Variants in NKX2-6 observed in about 807,000 individuals in gnomAD.
The protein encoded by NKX2-6 is NK2 homeobox 6.
In NKX2-6, 8 loss-of-function variants were observed where a neutral mutation model predicts 8.6. The observed-to-expected ratio is 0.93, with a 90% confidence interval of 0.54 to 1.67. NKX2-6 has a LOEUF of 1.67. Among genes scored for constraint, NKX2-6 ranks in the 40% most tolerant of loss-of-function variants. The probability of loss-of-function intolerance (pLI) is 0.00; values close to 1 mark genes in which losing one functional copy is unlikely to be tolerated. For synonymous variants in NKX2-6, 210 were observed against 199.3 expected, an observed-to-expected ratio of 1.05 and a Z score of -0.45; for missense variants, 475 against 423.1, an observed-to-expected ratio of 1.12 and a Z score of -1.08.
Position 23,706,363 on chromosome 8 carries a change from G to T in NKX2-6, c.236C>A (p.Ala79Glu). ...CCGTTCCGCGTCCATCTCCAAGACT[G>T]CCTCACAGGGACCCCCAGGAGGCTC... ...GSEPPGGPCE[A>E]VLEMDAERMG... is the part of the protein sequence containing the mutation. Residue 79 changes from alanine to glutamate, a missense_variant, in exon 1 of 2, where the codon GCA becomes GAA. By Grantham distance (107) the Ala-to-Glu change is moderately radical. Transcript: ENST00000325017. The T allele has an allele frequency of 6.4e-7, 1 of 1,551,180 alleles. No homozygotes were observed. Among genetic ancestry groups the T allele is most frequent in the Middle Eastern group, 1.7e-4 (1 of 5,992 alleles).
Position 23,702,248 on chromosome 8 carries a change from T to C in NKX2-6, c.*203A>G, listed in dbSNP as rs7000862. Among the ~76,000 whole-genome samples, 69,401 of 152,044 alleles carry C rather than the reference T, an allele frequency of 0.46. 16,041 individuals carry two copies. The highest frequency in any genetic ancestry group is 0.54 in the South Asian group (2,594 of 4,816). ...TGGTGGGTGACCGGTGGAGGGGTCT[T>C]CTTTTGGGGGAAGAACGTCCCAGGC... On this transcript the variant is annotated 3_prime_UTR_variant, in exon 2 of 2. Transcript: ENST00000325017.
chr8:23,706,318 T>TA lies in NKX2-6; in HGVS notation c.274+6dup. The TA allele has an allele frequency of 6.5e-7, 1 of 1,541,526 alleles. No homozygotes were observed. The highest frequency in any genetic ancestry group is 8.8e-7 in the Non-Finnish European group (1 of 1,140,314). ...CCGTAGGAGGCAAGACCTGAGCGCT[T>TA]ACTCACGTGGCTCCCCCATCCGTTC... On this transcript the variant is annotated splice_region_variant and intron_variant, in intron 1 of 1. Transcript: ENST00000325017.
Position 23,702,391 on chromosome 8 carries a change from C to A in NKX2-6, c.*60G>T, listed in dbSNP as rs1801017670. On this transcript the variant is annotated 3_prime_UTR_variant, in exon 2 of 2. Coordinates refer to ENST00000325017, the MANE Select transcript of NKX2-6 (RefSeq NM_001136271.3). ...CGCGTCCCCTCCTTGTCACGACCTG[C>A]GGGCGGAGGGGAAGGGAACGAGCAT... 2.8e-6 allele frequency: 4 copies of A among 1,406,144 alleles called. No individual in the cohort carries two copies. In the South Asian group the frequency reaches 4.7e-5, roughly 16 times the overall value. The allele number at this position is 1,406,144 out of a possible 1,614,324, so 87.1% of individuals were successfully genotyped here.
At chr8:23,706,256 T>G in intron 1 of NKX2-6, 69 bp downstream of exon 1, 1 of 1,424,858 alleles carries the variant, frequency 7.0e-7, no homozygotes, top group Admixed American at 2.5e-5. Context: ...ATTTTCCCCA[T>G]GCACCCATGG....
chr8:23,706,704 C>CA lies in NKX2-6; in HGVS notation c.-107dup. 7.9e-7 allele frequency: 1 copy of CA among 1,267,124 alleles called. No homozygotes were observed. Among genetic ancestry groups the CA allele is most frequent in the South Asian group, 1.5e-5 (1 of 65,510 alleles). 78.5% of individuals were successfully genotyped at this position (1,267,124 alleles called of 1,614,324 possible). A position where few individuals can be genotyped will look rare whatever the true frequency, so the allele number is the denominator to read the frequency against. ...CCGCAGACAGACCCAAGCTCTGGGACAGACGCCCAGCGTCCCAGACAGCGC... is the reference window on the plus strand; with the variant it reads ...CCGCAGACAGACCCAAGCTCTGGGACAAGACGCCCAGCGTCCCAGACAGCGC... On this transcript the variant is annotated 5_prime_UTR_variant, in exon 1 of 2. Coordinates refer to ENST00000325017, the MANE Select transcript of NKX2-6 (RefSeq NM_001136271.3).
intron 1 of NKX2-6, among the ~76,000 whole-genome samples, chr8:23,703,594 G>A (rs1801043665): frequency 1.3e-5 from 2 of 152,202 alleles, no homozygotes; most frequent in South Asian, 4.1e-4. Flanking sequence ...TACTCGGGAG[G>A]CTGAGGCAGG....
In NKX2-6 at chr8:23,702,351, G is replaced by C; in HGVS notation, c.*100C>G. The C allele has an allele frequency of 7.7e-7, 1 of 1,295,000 alleles. No homozygotes were observed. Among genetic ancestry groups the C allele is most frequent in the Non-Finnish European group, 1.0e-6 (1 of 977,840 alleles). The allele number at this position is 1,295,000 out of a possible 1,614,324, so 80.2% of individuals were successfully genotyped here. On this transcript the variant is annotated 3_prime_UTR_variant, in exon 2 of 2. Coordinates refer to ENST00000325017, the MANE Select transcript of NKX2-6 (RefSeq NM_001136271.3). The stretch of plus-strand genomic sequence containing the variant: ...CGGAAAGAAGCGCCGTTGGGTAGCA[G>C]CTTCCTTCCAGCGCCGCGTCCCCTC...
At position 23,702,462 on chromosome 8, in the gene NKX2-6, T is replaced by C. The variant is rs564297816; in HGVS notation, c.895A>G (p.Arg299Gly). The C allele has an allele frequency of 3.0e-4, 449 of 1,478,314 alleles. No individual in the cohort carries two copies. The Middle Eastern group carries it at 3.4e-3, about 11-fold the overall frequency. The allele number at this position is 1,478,314 out of a possible 1,614,324, so 91.6% of individuals were successfully genotyped here. ...CAAGCCGAGGAGCCTCACCAGGCCCTGACACCCTGCAGCGTGGCTGCCAGA... is the reference window on the plus strand; with the variant it reads ...CAAGCCGAGGAGCCTCACCAGGCCCCGACACCCTGCAGCGTGGCTGCCAGA... ...GHLAATLQGVRAW is the reference protein window; with the variant it reads ...GHLAATLQGVGAW The change falls in exon 2 of 2, where the codon AGG (arginine) becomes GGG (glycine). Residue 299 changes from arginine to glycine, a missense_variant. Coordinates refer to ENST00000325017, the MANE Select transcript of NKX2-6 (RefSeq NM_001136271.3).
chr8:23,706,243 C>G lies in NKX2-6; in HGVS notation c.274+82G>C, dbSNP rs1286431199. On this transcript the variant is annotated intron_variant, in intron 1 of 1. Coordinates refer to ENST00000325017, the MANE Select transcript of NKX2-6 (RefSeq NM_001136271.3). ...AGTCTCGAACCCAGGAGATAGGAGG[C>G]GTATTTTCCCCATGCACCCATGGAT... The G allele has an allele frequency of 6.0e-6, 8 of 1,340,924 alleles. No homozygotes were observed. In the South Asian group the frequency reaches 9.2e-5, roughly 15 times the overall value. The allele number at this position is 1,340,924 out of a possible 1,614,324, so 83.1% of individuals were successfully genotyped here.
intron 1 of NKX2-6, among the ~76,000 whole-genome samples, chr8:23,703,805 A>G (rs1313738177): frequency 6.6e-6 from 1 of 152,068 alleles, no homozygotes; most frequent in Non-Finnish European, 1.5e-5. Flanking sequence ...GATTGAGGAG[A>G]CTTTGGACCC....
intron 1 of NKX2-6, among the ~76,000 whole-genome samples, chr8:23,705,723 A>G (rs979604730): frequency 6.6e-6 from 1 of 152,220 alleles, no homozygotes; most frequent in East Asian, 1.9e-4. Flanking sequence ...CCTGACGCGG[A>G]GAATCCTGCG....
chr8:23,705,177 T>G lies in NKX2-6; in HGVS notation c.274+1148A>C, dbSNP rs139802404. Among the ~76,000 whole-genome samples, 749 of 152,360 alleles carry G rather than the reference T, an allele frequency of 4.9e-3. 10 individuals carry two copies. Among genetic ancestry groups the G allele is most frequent in the African/African-American group, 0.017 (718 of 41,592 alleles). ...CTTTGTCAGCTCAGCGGAGCCGAAG[T>G]GATCGCCGAGTTGGCTGAGCAGCGC... is the stretch of plus-strand genomic sequence containing the variant. On this transcript the variant is annotated intron_variant, in intron 1 of 1. Transcript: ENST00000325017.
At chr8:23,705,978 G>A (rs1801083587) in intron 1 of NKX2-6, among the ~76,000 whole-genome samples, 1 of 152,160 alleles carries the variant, frequency 6.6e-6, no homozygotes, top group African/African-American at 2.4e-5. Context: ...TGACTGGCAC[G>A]GCTAAGACAC....
intron 1 of NKX2-6, among the ~76,000 whole-genome samples, chr8:23,706,105 A>C (rs1185462901): frequency 1.3e-5 from 2 of 152,024 alleles, no homozygotes; most frequent in African/African-American, 4.8e-5. Context: ...TGAATCCTTG[A>C]GATTCAGGGC....
Position 23,706,501 on chromosome 8 carries a change from C to G in NKX2-6, c.98G>C (p.Arg33Pro). The G allele has an allele frequency of 1.9e-6, 3 of 1,538,834 alleles. No individual in the cohort carries two copies. The highest frequency in any genetic ancestry group is 2.6e-6 in the Non-Finnish European group (3 of 1,146,932). The part of the protein sequence containing the change: ...RSCPAASPHP[R>P]VRKSPENFQY... ...AAAGTTTTCCGGGCTCTTCCGCACC[C>G]GCGGATGTGGCGAAGCCGCGGGGCA... The change falls in exon 1 of 2, where the codon CGG (arginine) becomes CCG (proline). Residue 33 changes from arginine to proline, a missense_variant. Coordinates refer to ENST00000325017, the MANE Select transcript of NKX2-6 (RefSeq NM_001136271.3).
In NKX2-6 at chr8:23,706,430, T is replaced by A; in HGVS notation, c.169A>T (p.Asn57Tyr). Residue 57 changes from asparagine to tyrosine, a missense_variant, in exon 1 of 2, where the codon AAC becomes TAC. Asn to Tyr is a moderately radical substitution (Grantham distance 143). Coordinates refer to ENST00000325017, the MANE Select transcript of NKX2-6 (RefSeq NM_001136271.3). ...CTGTCACCGCCGCCGCCACCAGCGT[T>A]GTGAACCTCTGACCCTCGCGGCTCT... ...DAEPRGSEVH[N>Y]AGGGGGDRKL... 1 of 1,549,862 alleles carries A rather than the reference T, an allele frequency of 6.5e-7. No homozygotes were observed.
chr8:23,703,188 C>A, intron 1 of NKX2-6, 106 bp from the exon 2 acceptor site: 1 of 1,308,686 alleles, frequency 7.6e-7, no homozygotes, highest in Admixed American at 2.6e-5. Context: ...TCACTCTGCG[C>A]AGGCTCCTCC....
rs1432533944 is a variant in NKX2-6, at chr8:23,701,804, G to A, written c.*647C>T. Among the ~76,000 whole-genome samples, 1 of 152,284 alleles carries A rather than the reference G, an allele frequency of 6.6e-6. No homozygotes were observed. The highest frequency in any genetic ancestry group is 2.4e-5 in the African/African-American group (1 of 41,544). On this transcript the variant is annotated 3_prime_UTR_variant, in exon 2 of 2. Transcript: ENST00000325017. Reference sequence around the variant, plus strand: ...AGAGATAAAATGCACAACAGTGAAAGGGACCAGAATGTAGAGCCTACTTCC... The same window carrying A: ...AGAGATAAAATGCACAACAGTGAAAAGGACCAGAATGTAGAGCCTACTTCC...
rs888892256 is a variant in NKX2-6, at chr8:23,706,681, G to T, written c.-83C>A. Reference sequence around the variant, plus strand: ...TTCCCGTCTTGTCGCTGCAGGCCCCGCAGACAGACCCAAGCTCTGGGACAG... The same window carrying T: ...TTCCCGTCTTGTCGCTGCAGGCCCCTCAGACAGACCCAAGCTCTGGGACAG... On this transcript the variant is annotated 5_prime_UTR_variant, in exon 1 of 2. Transcript: ENST00000325017. The T allele has an allele frequency of 6.5e-6, 9 of 1,395,072 alleles. No individual in the cohort carries two copies. The highest frequency in any genetic ancestry group is 1.4e-5 in the South Asian group (1 of 71,782). The allele number at this position is 1,395,072 out of a possible 1,614,324, so 86.4% of individuals were successfully genotyped here.
Sources: gnomAD v4.1 joint callset for allele counts (sites outside exome capture counted in the v4.1 genomes callset) on GRCh38, gnomAD v4.1.1 for gene constraint, MANE v1.5 for transcripts, NCBI Gene and HGNC (gene_info 2026-07-23, HGNC 2026-07-21) for gene names.